The following MACROD2 variants were observed in gnomAD, a reference collection of about 807,000 sequenced individuals.
MACROD2 encodes ADP-ribose glycohydrolase MACROD2.
MACROD2 carries 36 observed loss-of-function variants against 70.4 expected under a neutral mutation model. The ratio of observed to expected loss-of-function variants is 0.51; its 90% CI spans 0.39 to 0.68. MACROD2 has a LOEUF of 0.68. Ranked by LOEUF, MACROD2 falls within the 30% of genes least tolerant of loss-of-function variation. The probability of loss-of-function intolerance (pLI) is 0.00; values close to 1 mark genes in which losing one functional copy is unlikely to be tolerated. For missense variants in MACROD2, 496 were observed against 538.4 expected (o/e 0.92, Z 0.78); for synonymous variants, 172 against 178.8 (o/e 0.96, Z 0.30).
chr20:14,415,581 G>A (rs752028207), intron 3 of MACROD2, among the ~76,000 whole-genome samples: 8 of 152,172 alleles, frequency 5.3e-5, no homozygotes, highest in Non-Finnish European at 1.2e-4. Flanking sequence ...AGAGAGGGAA[G>A]CTTGCTGAGC....
At chr20:15,951,461 T>C (rs115606524) in intron 12 of MACROD2, among the ~76,000 whole-genome samples, 1,778 of 152,212 alleles carry the variant, frequency 0.012, 30 homozygotes, top group African/African-American at 0.041. Context: ...GAACATTTTT[T>C]AATCAAGTAA....
chr20:15,603,733 CAG>C (rs2146693801), intron 8 of MACROD2, among the ~76,000 whole-genome samples: 1 of 152,096 alleles, frequency 6.6e-6, no homozygotes, highest in African/African-American at 2.4e-5. Context: ...AAAAGGAAAA[CAG>C]AAGAGAATTT....
chr20:15,956,277 T>C (rs555194282), intron 12 of MACROD2, among the ~76,000 whole-genome samples: 1 of 152,364 alleles, frequency 6.6e-6, no homozygotes, highest in South Asian at 2.1e-4. Flanking sequence ...CCTGAGCCTT[T>C]CTTGATTCCA....
At chr20:15,030,450 G>A (rs1041970163) in intron 5 of MACROD2, among the ~76,000 whole-genome samples, 8 of 152,172 alleles carry the variant, frequency 5.3e-5, no homozygotes, top group Middle Eastern at 3.4e-3. Context: ...ATTGCCCTTC[G>A]GTAAAATTTT....
chr20:15,397,567 G>A (rs2045876223), intron 6 of MACROD2, among the ~76,000 whole-genome samples: 1 of 152,172 alleles, frequency 6.6e-6, no homozygotes, highest in Non-Finnish European at 1.5e-5. Flanking sequence ...TCAAAGTTGG[G>A]ATTACAGGTG....
intron 3 of MACROD2, among the ~76,000 whole-genome samples, chr20:14,448,659 C>A (rs2084210758): frequency 6.6e-6 from 1 of 151,234 alleles, no homozygotes; most frequent in African/African-American, 2.4e-5. Context: ...TAGATCGACA[C>A]TCCCTCTCAG....
intron 5 of MACROD2, among the ~76,000 whole-genome samples, chr20:15,023,785 G>A (rs992018359): frequency 1.5e-4 from 23 of 152,060 alleles, no homozygotes; most frequent in African/African-American, 5.6e-4. Context: ...GGAATTCTGG[G>A]GGCTGCAATT....
chr20:14,347,041 G>T (rs1453511628), intron 3 of MACROD2, among the ~76,000 whole-genome samples: 2 of 152,164 alleles, frequency 1.3e-5, no homozygotes, highest in Non-Finnish European at 2.9e-5. Context: ...TGGTCTGTGG[G>T]TGAGAAGGTC....
chr20:14,271,972 C>A (rs1467817001), intron 3 of MACROD2, among the ~76,000 whole-genome samples: 1 of 152,144 alleles, frequency 6.6e-6, no homozygotes, highest in Non-Finnish European at 1.5e-5. Context: ...CGAACAAAGC[C>A]TCCAAGAAAT....
At chr20:15,234,188 C>T (rs1424210868) in intron 6 of MACROD2, among the ~76,000 whole-genome samples, 14 of 144,174 alleles carry the variant, frequency 9.7e-5, no homozygotes, top group Admixed American at 7.7e-4. Context: ...CCCGCTACCA[C>T]GCCCGGCTAA....
chr20:15,235,129 G>C (rs748682772), intron 6 of MACROD2, among the ~76,000 whole-genome samples: 1 of 152,072 alleles, frequency 6.6e-6, no homozygotes, highest in Non-Finnish European at 1.5e-5. Context: ...AATGCACCCT[G>C]TCTGACATTC....
intron 8 of MACROD2, among the ~76,000 whole-genome samples, chr20:15,757,631 A>T (rs1187451941): frequency 1.3e-5 from 2 of 152,208 alleles, no homozygotes; most frequent in Admixed American, 1.3e-4. Flanking sequence ...GGTGATCTAA[A>T]CAACAGACAT....
chr20:15,320,086 C>A (rs2077857594), intron 6 of MACROD2, among the ~76,000 whole-genome samples: 1 of 152,116 alleles, frequency 6.6e-6, no homozygotes, highest in African/African-American at 2.4e-5. Flanking sequence ...TGCCTGTAAT[C>A]CCAGCTAATC....
intron 8 of MACROD2, among the ~76,000 whole-genome samples, chr20:15,811,598 G>C (rs966278866): frequency 5.3e-5 from 8 of 151,742 alleles, no homozygotes; most frequent in Admixed American, 4.6e-4. Flanking sequence ...CCTTTTCATA[G>C]AATTAAGAAC....
rs1023447763 is a variant in MACROD2, at chr20:15,529,227, G to A, written c.645+29380G>A. Among the ~76,000 whole-genome samples, 4 of 152,098 alleles carry A rather than the reference G, an allele frequency of 2.6e-5. No individual in the cohort carries two copies. In the East Asian group the frequency reaches 7.7e-4, roughly 29 times the overall value. ...TTTGAGAGAAAACGAGAAAGAAACA[G>A]TCCTGTTTAGCATTTTTCTTCTAAA... is the stretch of plus-strand genomic sequence containing the variant. On this transcript the variant is annotated intron_variant, in intron 8 of 17. Transcript: ENST00000684519.
chr20:14,749,277 A>G (rs1476426144), intron 5 of MACROD2, among the ~76,000 whole-genome samples: 1 of 152,024 alleles, frequency 6.6e-6, no homozygotes, highest in Non-Finnish European at 1.5e-5. Context: ...TGTATTTGCC[A>G]ACAGAACTTA....
chr20:15,523,776 C>T (rs2047683136), intron 8 of MACROD2, among the ~76,000 whole-genome samples: 1 of 152,140 alleles, frequency 6.6e-6, no homozygotes, highest in African/African-American at 2.4e-5. Flanking sequence ...TTCATTCTTT[C>T]TCCATAGAGA....
At chr20:15,112,371 G>T (rs1170910062) in intron 5 of MACROD2, among the ~76,000 whole-genome samples, 1 of 151,988 alleles carries the variant, frequency 6.6e-6, no homozygotes, top group Non-Finnish European at 1.5e-5. Context: ...CTCTGAAACG[G>T]GCAACTCTTC....
rs533173028 is a variant in MACROD2, at chr20:15,574,649, G to A, written c.645+74802G>A. Reference sequence around the variant, plus strand: ...GGCAATCCAAATCATACAGGGCTTGGACTTCATTGCATCAATTCTAATAGT... The same window carrying A: ...GGCAATCCAAATCATACAGGGCTTGAACTTCATTGCATCAATTCTAATAGT... On this transcript the variant is annotated intron_variant, in intron 8 of 17. Transcript: ENST00000684519. 3.9e-5 allele frequency among the ~76,000 whole-genome samples: 6 copies of A among 152,134 alleles called. No individual in the cohort carries two copies. The East Asian group carries it at 1.2e-3, about 29-fold the overall frequency.
Sources: allele counts gnomAD v4.1 joint callset (sites outside exome capture counted in the v4.1 genomes callset), GRCh38; gene constraint gnomAD v4.1.1; transcripts MANE v1.5; gene names NCBI Gene and HGNC (gene_info 2026-07-23, HGNC 2026-07-21).